The following PWWP3B variants were observed in gnomAD, a reference collection of about 807,000 sequenced individuals.
The protein encoded by PWWP3B is PWWP domain containing 3B, also known as PWWP domain-containing DNA repair factor 3B.
A neutral mutation model predicts 15.7 loss-of-function variants in PWWP3B; 5 were observed. The ratio of observed to expected loss-of-function variants is 0.32; its 90% confidence interval spans 0.17 to 0.67. PWWP3B has a LOEUF of 0.67. PWWP3B is among the 30% of genes least tolerant of loss of function. The pLI, the probability that PWWP3B is intolerant of heterozygous loss-of-function variation, is 0.74. For synonymous variants in PWWP3B, 203 were observed against 179.8 expected, an observed-to-expected ratio of 1.13 and a Z score of -1.03; for missense variants, 519 against 493.1, an observed-to-expected ratio of 1.05 and a Z score of -0.50.
intron 2 of PWWP3B, among the ~76,000 whole-genome samples, chrX:106,181,021 A>C (rs1922163865): frequency 8.9e-6 from 1 of 111,887 alleles, no homozygotes; most frequent in South Asian, 3.7e-4. Flanking sequence ...TGAGGTTTAG[A>C]TATTGGATCT....
intron 2 of PWWP3B, among the ~76,000 whole-genome samples, chrX:106,202,904 G>A (rs980110856): frequency 1.8e-5 from 2 of 111,543 alleles, no homozygotes; most frequent in South Asian, 7.4e-4. Flanking sequence ...GTTTTAACAG[G>A]ATTACTTGCA....
At chrX:106,187,449 T>C (rs1922586894) in intron 2 of PWWP3B, among the ~76,000 whole-genome samples, 1 of 112,337 alleles carries the variant, frequency 8.9e-6, no homozygotes, top group Non-Finnish European at 1.9e-5. Flanking sequence ...ATCTCCAATG[T>C]GGCAGGTTTA....
intron 2 of PWWP3B, among the ~76,000 whole-genome samples, chrX:106,189,190 A>G (rs1387369334): frequency 1.8e-5 from 2 of 111,732 alleles, no homozygotes; most frequent in Non-Finnish European, 3.8e-5. Context: ...TTTATTTTTA[A>G]TATTAGCTAT....
At chrX:106,178,340 CAAAT>C (rs1203891468) in intron 2 of PWWP3B, among the ~76,000 whole-genome samples, 1 of 112,019 alleles carries the variant, frequency 8.9e-6, no homozygotes, top group Non-Finnish European at 1.9e-5. Flanking sequence ...ATATAGCTGA[CAAAT>C]GAAAGTATGA....
Position 106,207,496 on chromosome X carries a change from A to C in PWWP3B, c.2064A>C (p.Arg688=). 1 of 1,146,853 alleles carries C rather than the reference A, an allele frequency of 8.7e-7. No individual in the cohort carries two copies. Among genetic ancestry groups the C allele is most frequent in the South Asian group, 2.0e-5 (1 of 48,984 alleles). 94.5% of individuals were successfully genotyped at this position (1,146,853 alleles called of 1,213,427 possible). A position where few individuals can be genotyped will look rare whatever the true frequency, so the allele number is the denominator to read the frequency against. ...FDAKIIYEKR[R]KAPTNEAH ...CAAAAATAATATATGAAAAGAGACG[A>C]AAAGCACCAACAAATGAAGCTCACT... is the stretch of plus-strand genomic sequence containing the variant. The change falls in exon 4 of 4, where the codon CGA becomes CGC. Residue 688 remains arginine (R), a synonymous_variant. Coordinates refer to ENST00000357175, the MANE Select transcript of PWWP3B (RefSeq NM_001171020.2).
In PWWP3B at chrX:106,205,657, G is replaced by A; in HGVS notation, c.225G>A (p.Glu75=). The change falls in exon 4 of 4, where the codon GAG becomes GAA. Residue 75 remains glutamate, a synonymous_variant. Transcript: ENST00000357175. ...CTGCCTCATTAGGACTACAGTCAGAGGACAGTGCTCCACCTACAGAGGAAA... is the reference window on the plus strand; with the variant it reads ...CTGCCTCATTAGGACTACAGTCAGAAGACAGTGCTCCACCTACAGAGGAAA... ...AIAASLGLQS[E]DSAPPTEETA... is the part of the protein sequence containing the mutation. The A allele has an allele frequency of 1.7e-6, 2 of 1,210,922 alleles. No individual in the cohort carries two copies. Among genetic ancestry groups the A allele is most frequent in the South Asian group, 1.8e-5 (1 of 56,726 alleles).
At chrX:106,176,987 A>C (rs1043280834) in intron 2 of PWWP3B, among the ~76,000 whole-genome samples, 4 of 112,763 alleles carry the variant, frequency 3.5e-5, no homozygotes, top group African/African-American at 1.3e-4. Context: ...AATCGTTTTT[A>C]GAAATAAGTT....
chrX:106,205,560 C>T lies in PWWP3B; in HGVS notation c.128C>T (p.Ser43Leu). 1 of 1,207,014 alleles carries T rather than the reference C, an allele frequency of 8.3e-7. No homozygotes were observed. The highest frequency in any genetic ancestry group is 1.1e-6 in the Non-Finnish European group (1 of 893,230). The change falls in exon 4 of 4, where the codon TCA becomes TTA. Residue 43 changes from serine (S) to leucine (L), a missense_variant. Transcript: ENST00000357175. ...TTTTCTCTAGAAGTTCAAATACTCTCACTAGATGAAAAAATTAAATTGGAC... is the reference window on the plus strand; with the variant it reads ...TTTTCTCTAGAAGTTCAAATACTCTTACTAGATGAAAAAATTAAATTGGAC... Reference protein sequence around the residue: ...KAFSLEVQILSLDEKIKLDST... With the variant: ...KAFSLEVQILLLDEKIKLDST...
chrX:106,198,949 A>G (rs1207203828), intron 2 of PWWP3B, among the ~76,000 whole-genome samples: 1 of 111,033 alleles, frequency 9.0e-6, no homozygotes, highest in African/African-American at 3.3e-5. Flanking sequence ...ATAAAGCCAT[A>G]TATATATTGG....
At chrX:106,188,249 C>T (rs759029426) in intron 2 of PWWP3B, among the ~76,000 whole-genome samples, 66 of 111,421 alleles carry the variant, frequency 5.9e-4, no homozygotes, top group Middle Eastern at 9.2e-3. Flanking sequence ...TAGGTGCCCC[C>T]CCCATGTTTT....
intron 2 of PWWP3B, among the ~76,000 whole-genome samples, chrX:106,179,388 G>C (rs191670562): frequency 1.8e-5 from 2 of 112,251 alleles, no homozygotes; most frequent in Admixed American, 1.9e-4. Flanking sequence ...CTGACAAAGA[G>C]AGCATTTCAT....
chrX:106,170,254 T>C (rs1272679453), intron 1 of PWWP3B, among the ~76,000 whole-genome samples: 1 of 112,059 alleles, frequency 8.9e-6, no homozygotes, highest in Non-Finnish European at 1.9e-5. Context: ...AGCTTCCACA[T>C]TGGTAAGTCT....
chrX:106,182,968 G>A (rs778049041), intron 2 of PWWP3B, among the ~76,000 whole-genome samples: 2 of 111,197 alleles, frequency 1.8e-5, no homozygotes, highest in South Asian at 7.7e-4. Flanking sequence ...ATCCTCCAAC[G>A]GTTTGCAGGT....
chrX:106,193,688 T>C (rs1237398411), intron 2 of PWWP3B, among the ~76,000 whole-genome samples: 1 of 112,350 alleles, frequency 8.9e-6, no homozygotes, highest in Admixed American at 9.4e-5. Flanking sequence ...TGGTTGTTCC[T>C]TTCCATGTTT....
At chrX:106,204,869 T>G in intron 3 of PWWP3B, among the ~76,000 whole-genome samples, 1 of 111,663 alleles carries the variant, frequency 9.0e-6, no homozygotes, top group Admixed American at 9.5e-5. Context: ...GACCCACTGC[T>G]ATAAGTATGA....
intron 2 of PWWP3B, among the ~76,000 whole-genome samples, chrX:106,187,675 CTCTT>C (rs2147606253): frequency 9.0e-6 from 1 of 111,697 alleles, no homozygotes; most frequent in Non-Finnish European, 1.9e-5. Context: ...TAGGATTGAA[CTCTT>C]TTTTTGCAGT....
chrX:106,187,843 A>G (rs961396521), intron 2 of PWWP3B, among the ~76,000 whole-genome samples: 1 of 111,786 alleles, frequency 8.9e-6, no homozygotes, highest in Non-Finnish European at 1.9e-5. Flanking sequence ...TAGTTGTTAT[A>G]TGGACCTTAT....
chrX:106,181,995 C>T (rs1250099540), intron 2 of PWWP3B, among the ~76,000 whole-genome samples: 1 of 111,982 alleles, frequency 8.9e-6, no homozygotes, highest in African/African-American at 3.2e-5. Flanking sequence ...AAGTTGTTGT[C>T]TGATTTCAGA....
intron 2 of PWWP3B, among the ~76,000 whole-genome samples, chrX:106,192,720 C>T (rs1268095080): frequency 3.6e-5 from 4 of 110,291 alleles, no homozygotes; most frequent in Non-Finnish European, 7.6e-5. Flanking sequence ...TGAATGTGTC[C>T]CAGAGATTCT....
Sources: gnomAD v4.1 joint callset for allele counts (sites outside exome capture counted in the v4.1 genomes callset) on GRCh38, gnomAD v4.1.1 for gene constraint, MANE v1.5 for transcripts, NCBI Gene and HGNC (gene_info 2026-07-23, HGNC 2026-07-21) for gene names.